The following CAPN8 variants were observed in gnomAD, a reference collection of about 807,000 sequenced individuals.
CAPN8 encodes calpain 8.
A neutral mutation model predicts 80.9 loss-of-function variants in CAPN8; 87 were observed. That is an observed-to-expected ratio of 1.07 (90% CI 0.90 to 1.28). The LOEUF is 1.28. Ranked by LOEUF, CAPN8 falls within the 50% of genes most tolerant of loss-of-function variation. The pLI, the probability that CAPN8 is intolerant of heterozygous loss-of-function variation, is 0.00. For synonymous variants in CAPN8, 299 were observed against 273.8 expected, an observed-to-expected ratio of 1.09 and a Z score of -0.91; for missense variants, 757 against 702.0, an observed-to-expected ratio of 1.08 and a Z score of -0.89.
chr1:223,652,737 C>A lies in CAPN8; in HGVS notation c.307+1593G>T, dbSNP rs552721830. On this transcript the variant is annotated intron_variant, in intron 2 of 20. Transcript: ENST00000366872. Reference sequence around the variant, plus strand: ...CCTTTCAGGAGATTGGACTCCCCAGCCCCTTTCCGCTCTGTTCATTAAAAA... The same window carrying A: ...CCTTTCAGGAGATTGGACTCCCCAGACCCTTTCCGCTCTGTTCATTAAAAA... Among the ~76,000 whole-genome samples, 3 of 152,220 alleles carry A rather than the reference C, an allele frequency of 2.0e-5. No individual in the cohort carries two copies. In the South Asian group the frequency reaches 6.2e-4, roughly 32 times the overall value.
intron 1 of CAPN8, among the ~76,000 whole-genome samples, chr1:223,655,136 T>C (rs1658449257): frequency 6.6e-6 from 1 of 152,184 alleles, no homozygotes; most frequent in African/African-American, 2.4e-5. Context: ...ACAACACCCC[T>C]ATTTACATAA....
At chr1:223,557,980 T>C (rs1386820768) in intron 13 of CAPN8, among the ~76,000 whole-genome samples, 151 bp downstream of exon 13, 1 of 152,160 alleles carries the variant, frequency 6.6e-6, no homozygotes, top group Non-Finnish European at 1.5e-5. Context: ...CTCATCTTCA[T>C]CAGGAAGAGA....
At chr1:223,546,448 A>C (rs1237364875) in intron 16 of CAPN8, among the ~76,000 whole-genome samples, 1 of 152,186 alleles carries the variant, frequency 6.6e-6, no homozygotes, top group African/African-American at 2.4e-5. Context: ...TAGCCAAACA[A>C]AAAGTCCTGT....
rs1461012210 is a variant in CAPN8, at chr1:223,625,876, C to A, written c.742G>T (p.Ala248Ser). 1 of 1,551,514 alleles carries A rather than the reference C, an allele frequency of 6.4e-7. No individual in the cohort carries two copies. The highest frequency in any genetic ancestry group is 2.0e-5 in the Admixed American group (1 of 51,000). Reference sequence around the variant, plus strand: ...TGGCTGGTGATGGCTTCGGCTTCGGCTGCACTGGAGACCTGCGTAGAGAAG... The same window carrying A: ...TGGCTGGTGATGGCTTCGGCTTCGGATGCACTGGAGACCTGCGTAGAGAAG... ...LGCSIDVSSAAEAEAITSQKL... is the reference protein window; with the variant it reads ...LGCSIDVSSASEAEAITSQKL... The change falls in exon 6 of 21, where the codon GCC (alanine) becomes TCC (serine). Residue 248 changes from alanine to serine, a missense_variant. Physicochemically the swap from Ala to Ser is moderately conservative, Grantham distance 99. Coordinates refer to ENST00000366872, the MANE Select transcript of CAPN8 (RefSeq NM_001143962.2).
chr1:223,552,498 AG>A (rs2102691971), intron 14 of CAPN8, among the ~76,000 whole-genome samples: 1 of 135,532 alleles, frequency 7.4e-6, no homozygotes, highest in Admixed American at 8.6e-5. Flanking sequence ...CGGGAAGCAG[AG>A]GTTGCAGTGA....
At chr1:223,633,218 C>A (rs1029393850) in intron 2 of CAPN8, among the ~76,000 whole-genome samples, 1 of 152,004 alleles carries the variant, frequency 6.6e-6, no homozygotes, top group Non-Finnish European at 1.5e-5. Flanking sequence ...ATTTGGTATG[C>A]CCCATAAATT....
chr1:223,627,137 G>A lies in CAPN8; in HGVS notation c.581C>T (p.Ala194Val). The A allele has an allele frequency of 6.4e-7, 1 of 1,552,360 alleles. No individual in the cohort carries two copies. Among genetic ancestry groups the A allele is most frequent in the Non-Finnish European group, 8.7e-7 (1 of 1,147,138 alleles). ...AYAKLNGCYE[A>V]LAGGSTVEGF... ...CTCCACTGTGGAACCTCCAGCGAGA[G>A]CCTCATAACAACCATTAAGCCTATT... is the stretch of plus-strand genomic sequence containing the variant. The change falls in exon 5 of 21, where the codon GCT becomes GTT. Residue 194 changes from alanine (A) to valine (V), a missense_variant. Transcript: ENST00000366872.
chr1:223,664,005 C>T (rs560979424), intron 1 of CAPN8, among the ~76,000 whole-genome samples: 50 of 152,168 alleles, frequency 3.3e-4, no homozygotes, highest in Non-Finnish European at 5.7e-4. Flanking sequence ...TCTCCTGAGA[C>T]GTTGTTATGA....
chr1:223,641,719 T>C (rs1658047876), intron 2 of CAPN8, among the ~76,000 whole-genome samples: 1 of 152,242 alleles, frequency 6.6e-6, no homozygotes, highest in Admixed American at 6.5e-5. Context: ...TGCTATGCAC[T>C]TCCTAGCCAA....
intron 3 of CAPN8, among the ~76,000 whole-genome samples, 179 bp from the exon 4 acceptor site, chr1:223,628,321 A>G (rs190308528): frequency 6.6e-6 from 1 of 152,146 alleles, no homozygotes; most frequent in Non-Finnish European, 1.5e-5. Flanking sequence ...ACCCGGGAAC[A>G]TCTAGTCCAG....
intron 1 of CAPN8, among the ~76,000 whole-genome samples, chr1:223,655,132 C>A (rs1360639854): frequency 2.0e-5 from 3 of 152,110 alleles, no homozygotes; most frequent in Non-Finnish European, 4.4e-5. Flanking sequence ...TCAGACAACA[C>A]CCCTATTTAC....
chr1:223,645,477 A>G (rs1429078378), intron 2 of CAPN8, among the ~76,000 whole-genome samples: 2 of 152,196 alleles, frequency 1.3e-5, no homozygotes, highest in Admixed American at 6.5e-5. Flanking sequence ...GAAAGGAGAC[A>G]CTGCTCCCAA....
chr1:223,548,031 G>A (rs139875053), intron 16 of CAPN8, among the ~76,000 whole-genome samples: 9 of 152,292 alleles, frequency 5.9e-5, no homozygotes, highest in African/African-American at 2.2e-4. Flanking sequence ...GCCCTCCATG[G>A]TGGATCAGCC....
rs773434288 is a variant in CAPN8, at chr1:223,654,373, G to A, written c.264C>T (p.Ile88=). 26 of 1,551,660 alleles carry A rather than the reference G, an allele frequency of 1.7e-5. No individual in the cohort carries two copies. In the South Asian group the frequency reaches 2.6e-4, roughly 16 times the overall value. Residue 88 remains isoleucine (I), a synonymous_variant, in exon 2 of 21, where the codon ATC becomes ATT. Coordinates refer to ENST00000366872, the MANE Select transcript of CAPN8 (RefSeq NM_001143962.2). ...TGTCTGTGCGCGTGGCTCCACCAAC[G>A]ATAAACTGAGGGCTGGGACACAACT... ...PTELCPSPQF[I]VGGATRTDIC... is the part of the protein sequence containing the mutation.
chr1:223,643,946 T>TC (rs1658114195), intron 2 of CAPN8, among the ~76,000 whole-genome samples: 1 of 152,128 alleles, frequency 6.6e-6, no homozygotes, highest in African/African-American at 2.4e-5. Flanking sequence ...TGATTTCCTT[T>TC]TAAAAAAAAT....
At chr1:223,644,588 G>A (rs528023545) in intron 2 of CAPN8, among the ~76,000 whole-genome samples, 5 of 152,284 alleles carry the variant, frequency 3.3e-5, no homozygotes, top group South Asian at 2.1e-4. Context: ...ATAAATAAAC[G>A]CATGTGACAG....
intron 15 of CAPN8, 50 bp downstream of exon 15, chr1:223,550,910 G>T (rs763344061): frequency 1.4e-6 from 1 of 711,780 alleles, no homozygotes; most frequent in Admixed American, 2.0e-5. Context: ...CCCTCACCCT[G>T]CCCCAGCATC....
intron 2 of CAPN8, among the ~76,000 whole-genome samples, chr1:223,646,621 T>C (rs1250101797): frequency 6.6e-6 from 1 of 152,232 alleles, no homozygotes; most frequent in Admixed American, 6.5e-5. Context: ...CAGATCTCTT[T>C]TAGTTATGCC....
chr1:223,627,213 G>A (rs1235410793), intron 4 of CAPN8, 56 bp from the exon 5 acceptor site: 3 of 1,529,288 alleles, frequency 2.0e-6, no homozygotes, highest in African/African-American at 1.4e-5. Context: ...GGAGACCCGG[G>A]GATTGGGGAC....
Sources: gnomAD v4.1 joint callset for allele counts (sites outside exome capture counted in the v4.1 genomes callset) on GRCh38, gnomAD v4.1.1 for gene constraint, MANE v1.5 for transcripts, NCBI Gene and HGNC (gene_info 2026-07-23, HGNC 2026-07-21) for gene names.